The following CFAP43 variants were observed in gnomAD, a reference collection of about 807,000 sequenced individuals.
The protein encoded by CFAP43 is cilia and flagella associated protein 43, also known as cilia- and flagella-associated protein 43.
CFAP43 carries 155 observed loss-of-function variants against 218.9 expected under a neutral mutation model. The observed-to-expected ratio is 0.71, with a 90% CI of 0.62 to 0.81. CFAP43 has a LOEUF of 0.81. Among genes scored for constraint, CFAP43 ranks in the 30% least tolerant of loss-of-function variants. The pLI is 0.00. For synonymous variants in CFAP43, 645 were observed against 681.3 expected, an observed-to-expected ratio of 0.95 and a Z score of 0.83; for missense variants, 1,778 against 1,954.3, an observed-to-expected ratio of 0.91 and a Z score of 1.70.
In CFAP43 at chr10:104,133,643, A is replaced by T. The variant is rs749182527; in HGVS notation, c.4573T>A (p.Phe1525Ile). 1 of 1,612,038 alleles carries T rather than the reference A, an allele frequency of 6.2e-7. No individual in the cohort carries two copies. The highest frequency in any genetic ancestry group is 1.1e-5 in the South Asian group (1 of 90,412). Reference sequence around the variant, plus strand: ...ACCTTTTGACGATCTCTTGAAAAAAATAGCATCTGAATATCCCAAGCCTTC... The same window carrying T: ...ACCTTTTGACGATCTCTTGAAAAAATTAGCATCTGAATATCCCAAGCCTTC... Reference protein sequence around the residue: ...NQKAWDIQMLFFSRDRQKYLN... With the variant: ...NQKAWDIQMLIFSRDRQKYLN... The change falls in exon 35 of 38, where the codon TTT becomes ATT. Residue 1525 changes from phenylalanine (F) to isoleucine (I), a missense_variant. By Grantham distance (21) the Phe-to-Ile change is conservative. Coordinates refer to ENST00000357060, the MANE Select transcript of CFAP43 (RefSeq NM_025145.7).
At chr10:104,203,964 A>G (rs1037728080) in intron 7 of CFAP43, among the ~76,000 whole-genome samples, 161 bp from the exon 8 acceptor site, 1 of 152,144 alleles carries the variant, frequency 6.6e-6, no homozygotes, top group Non-Finnish European at 1.5e-5. Flanking sequence ...TATTTAGACA[A>G]CTTTTAACTA....
intron 17 of CFAP43, among the ~76,000 whole-genome samples, chr10:104,181,441 C>T (rs185138217): frequency 2.0e-5 from 3 of 152,294 alleles, no homozygotes; most frequent in East Asian, 1.9e-4. Flanking sequence ...AAACATTCTC[C>T]TCATAGCATC....
rs1209392681 is a variant in CFAP43, at chr10:104,187,366, A to C, written c.1814T>G (p.Phe605Cys). The change falls in exon 14 of 38, where the codon TTC (phenylalanine) becomes TGC (cysteine). Residue 605 changes from phenylalanine (F) to cysteine (C), a missense_variant. Physicochemically the swap from Phe to Cys is radical, Grantham distance 205. This residue lies in a region of CFAP43 where 1,553 missense variants were observed against 1,685.2 expected (regional missense o/e 0.92). Coordinates refer to ENST00000357060, the MANE Select transcript of CFAP43 (RefSeq NM_025145.7). ...ACAGATGTATGGCACTTGACTACAG[A>C]AGCCATATATTTGGTTACTTTGAAA... is the stretch of plus-strand genomic sequence containing the variant. Reference protein sequence around the residue: ...LGFQSNQIYGFCSQVPYICSY... With the variant: ...LGFQSNQIYGCCSQVPYICSY... 1 of 1,611,636 alleles carries C rather than the reference A, an allele frequency of 6.2e-7. No individual in the cohort carries two copies. Among genetic ancestry groups the C allele is most frequent in the African/African-American group, 1.3e-5 (1 of 74,898 alleles).
intron 35 of CFAP43, 113 bp downstream of exon 35, chr10:104,133,507 C>T: frequency 8.6e-7 from 1 of 1,165,926 alleles, no homozygotes. Context: ...TTGAAACACT[C>T]CTGGCTTAGA....
At chr10:104,173,552 TA>T (rs1300842168) in intron 19 of CFAP43, among the ~76,000 whole-genome samples, 1 of 152,212 alleles carries the variant, frequency 6.6e-6, no homozygotes, top group African/African-American at 2.4e-5. Context: ...CCAGCAGTAG[TA>T]ACTGGAGTGT....
chr10:104,155,799 G>C (rs1356170568), intron 27 of CFAP43, among the ~76,000 whole-genome samples: 1 of 152,076 alleles, frequency 6.6e-6, no homozygotes, highest in Non-Finnish European at 1.5e-5. Flanking sequence ...TGACCTACAG[G>C]TGTTCAAGTC....
At chr10:104,156,391 A>G (rs768205038) in intron 27 of CFAP43, among the ~76,000 whole-genome samples, 14 of 152,338 alleles carry the variant, frequency 9.2e-5, no homozygotes, top group African/African-American at 2.9e-4. Context: ...GAAAATAGCT[A>G]TAGTATTTGT....
At chr10:104,145,209 A>G (rs2087902987) in intron 31 of CFAP43, among the ~76,000 whole-genome samples, 1 of 152,266 alleles carries the variant, frequency 6.6e-6, no homozygotes, top group Admixed American at 6.5e-5. Flanking sequence ...TCCTTAATGT[A>G]CAAAGCAGAA....
chr10:104,217,291 C>T (rs2091038280), intron 3 of CFAP43, among the ~76,000 whole-genome samples: 2 of 152,302 alleles, frequency 1.3e-5, no homozygotes, highest in Middle Eastern at 3.4e-3. Context: ...GTCATGTGTG[C>T]ACCTTCCAAG....
At chr10:104,225,681 G>T in intron 2 of CFAP43, 124 bp from the exon 3 acceptor site, 1 of 749,444 alleles carries the variant, frequency 1.3e-6, no homozygotes, top group Non-Finnish European at 2.0e-6. Flanking sequence ...TTAACTATTA[G>T]AATAAGAAAG....
At position 104,192,698 on chromosome 10, in the gene CFAP43, G is replaced by C. The variant is rs189080115; in HGVS notation, c.1443-396C>G. 209 of 184,386 alleles carry C rather than the reference G, an allele frequency of 1.1e-3. 1 individual carries two copies. The highest frequency in any genetic ancestry group is 4.5e-3 in the African/African-American group (189 of 41,792). The allele number at this position is 184,386 out of a possible 1,614,324, so 11.4% of individuals were successfully genotyped here. ...CTGGCAGTGGGAGGAAGAATGTAGTGAAACATGTCTACAACTTTATCAAAT... is the reference window on the plus strand; with the variant it reads ...CTGGCAGTGGGAGGAAGAATGTAGTCAAACATGTCTACAACTTTATCAAAT... On this transcript the variant is annotated intron_variant, in intron 11 of 37. Transcript: ENST00000357060.
At chr10:104,175,567 A>G (rs967767576) in intron 19 of CFAP43, among the ~76,000 whole-genome samples, 2 of 152,378 alleles carry the variant, frequency 1.3e-5, no homozygotes, top group Middle Eastern at 3.4e-3. Context: ...CTGTGAAAAC[A>G]TAAAACACGA....
intron 17 of CFAP43, among the ~76,000 whole-genome samples, chr10:104,180,719 A>C (rs377012441): frequency 1.6e-4 from 25 of 152,150 alleles, no homozygotes; most frequent in African/African-American, 6.0e-4. Flanking sequence ...TGCTGGGATT[A>C]CAGGTGTGTG....
chr10:104,157,775 T>TGTGTGTGAGAGA (rs1484523345), intron 27 of CFAP43, among the ~76,000 whole-genome samples: 8 of 90,160 alleles, frequency 8.9e-5, no homozygotes, highest in African/African-American at 3.5e-4. Context: ...TGTGTGTGTG[T>TGTGTGTGAGAGA]GAGAGAGAGA....
At chr10:104,216,061 T>C (rs1436644953) in intron 3 of CFAP43, among the ~76,000 whole-genome samples, 1 of 152,116 alleles carries the variant, frequency 6.6e-6, no homozygotes, top group African/African-American at 2.4e-5. Flanking sequence ...AAGCCTTCCC[T>C]CAGTCTTACC....
chr10:104,170,956 GC>G (rs2134842482), intron 20 of CFAP43, among the ~76,000 whole-genome samples: 1 of 152,242 alleles, frequency 6.6e-6, no homozygotes, highest in Non-Finnish European at 1.5e-5. Flanking sequence ...AGCCATTTCT[GC>G]CTGTGGGCCT....
At chr10:104,228,297 C>G (rs1257340091) in intron 2 of CFAP43, among the ~76,000 whole-genome samples, 1 of 151,898 alleles carries the variant, frequency 6.6e-6, no homozygotes, top group Non-Finnish European at 1.5e-5. Context: ...CTTTCTTCCT[C>G]CTCCTCCTTC....
chr10:104,186,417 C>A (rs540930609), intron 14 of CFAP43, among the ~76,000 whole-genome samples: 1 of 152,124 alleles, frequency 6.6e-6, no homozygotes, highest in Admixed American at 6.6e-5. Flanking sequence ...TTTTACTAAT[C>A]ATTTTCACAT....
chr10:104,130,373 G>C, intron 37 of CFAP43, 68 bp from the exon 38 acceptor site: 1 of 1,530,714 alleles, frequency 6.5e-7, no homozygotes, highest in South Asian at 1.2e-5. Context: ...GCAGCACTCA[G>C]AATCATACAT....
Sources: gnomAD v4.1 joint callset for allele counts (sites outside exome capture counted in the v4.1 genomes callset) on GRCh38, gnomAD v4.1.1 for gene constraint, gnomAD v4.1.1 regional missense constraint, MANE v1.5 for transcripts, NCBI Gene and HGNC (gene_info 2026-07-23, HGNC 2026-07-21) for gene names.